NTM: variants seen among roughly 807,000 people sequenced by gnomAD.
NTM encodes neurotrimin.
NTM carries 13 observed loss-of-function variants against 42.1 expected under a neutral mutation model. That is an observed-to-expected ratio of 0.31 (90% confidence interval 0.20 to 0.49). NTM has a LOEUF of 0.49. Ranked by LOEUF, NTM falls within the 20% of genes least tolerant of loss-of-function variation. The pLI is 0.99. For missense variants in NTM, 373 were observed against 452.8 expected, an observed-to-expected ratio of 0.82 and a Z score of 1.60; for synonymous variants, 187 against 179.2, an observed-to-expected ratio of 1.04 and a Z score of -0.35.
chr11:131,967,842 G>A (rs2063027652), intron 2 of NTM, among the ~76,000 whole-genome samples: 1 of 152,152 alleles, frequency 6.6e-6, no homozygotes, highest in South Asian at 2.1e-4. Flanking sequence ...CTGAACTGTG[G>A]AGGGTGAGGA....
intron 1 of NTM, among the ~76,000 whole-genome samples, chr11:131,574,709 G>C (rs773620573): frequency 1.3e-5 from 2 of 152,062 alleles, no homozygotes; most frequent in Non-Finnish European, 2.9e-5. Context: ...GGAGAACAGT[G>C]GAAGGAAGAG....
At chr11:132,318,223 C>G (rs894118481) in intron 7 of NTM, among the ~76,000 whole-genome samples, 1 of 152,182 alleles carries the variant, frequency 6.6e-6, no homozygotes, top group African/African-American at 2.4e-5. Flanking sequence ...TAGGGCCTGA[C>G]GTCCAGTAGC....
At chr11:131,441,960 C>T (rs1444770091) in intron 1 of NTM, among the ~76,000 whole-genome samples, 1 of 152,158 alleles carries the variant, frequency 6.6e-6, no homozygotes, top group Non-Finnish European at 1.5e-5. Context: ...TAGATGGGTA[C>T]ATCAACAAGA....
At chr11:131,542,629 C>T (rs1329022143) in intron 1 of NTM, among the ~76,000 whole-genome samples, 3 of 152,182 alleles carry the variant, frequency 2.0e-5, no homozygotes, top group South Asian at 2.1e-4. Context: ...TTTTAGCACC[C>T]ACATTTATCA....
At chr11:132,132,314 C>T (rs2066973893) in intron 2 of NTM, among the ~76,000 whole-genome samples, 3 of 152,228 alleles carry the variant, frequency 2.0e-5, no homozygotes. Flanking sequence ...AAAATTGGGT[C>T]TATTTCTTTC....
At chr11:132,022,225 A>T (rs1198524745) in intron 2 of NTM, among the ~76,000 whole-genome samples, 1 of 152,232 alleles carries the variant, frequency 6.6e-6, no homozygotes, top group African/African-American at 2.4e-5. Context: ...GAAGTTTCAC[A>T]AGAACATATG....
At chr11:131,390,549 T>C (rs1405566822) in intron 1 of NTM, among the ~76,000 whole-genome samples, 4 of 152,088 alleles carry the variant, frequency 2.6e-5, no homozygotes, top group Non-Finnish European at 5.9e-5. Context: ...ATTCAGTGAT[T>C]TACTTCAAAA....
At chr11:131,449,552 G>C (rs549345686) in intron 1 of NTM, among the ~76,000 whole-genome samples, 1 of 152,350 alleles carries the variant, frequency 6.6e-6, no homozygotes, top group African/African-American at 2.4e-5. Flanking sequence ...GAGAGTGCCT[G>C]TGATGGCTGC....
intron 1 of NTM, among the ~76,000 whole-genome samples, chr11:131,701,833 AG>A (rs1239991686): frequency 1.3e-5 from 2 of 152,142 alleles, no homozygotes; most frequent in Admixed American, 1.3e-4. Flanking sequence ...ATAGGGGTGG[AG>A]GGGTAGATGT....
chr11:131,552,982 G>C (rs914328275), intron 1 of NTM, among the ~76,000 whole-genome samples: 2 of 152,150 alleles, frequency 1.3e-5, no homozygotes, highest in African/African-American at 4.8e-5. Context: ...TCCAAACCAA[G>C]CTACAGTGGC....
rs1310932951 is a variant in NTM, at chr11:131,462,426, C to G, written c.82+91538C>G. ...TCCGTTTTAAAAAACAAACAGTGAC[C>G]CAACATTTAAAAATACAAAAATGAC... On this transcript the variant is annotated intron_variant, in intron 1 of 8. Transcript: ENST00000683400. Among the ~76,000 whole-genome samples the G allele has an allele frequency of 2.0e-5, 3 of 152,030 alleles. No homozygotes were observed. In the East Asian group the frequency reaches 5.8e-4, roughly 29 times the overall value.
chr11:132,237,489 C>T (rs944842616), intron 4 of NTM, among the ~76,000 whole-genome samples: 1 of 152,154 alleles, frequency 6.6e-6, no homozygotes, highest in Admixed American at 6.5e-5. Flanking sequence ...GGCCACTGAC[C>T]CCATCCAAAT....
intron 1 of NTM, among the ~76,000 whole-genome samples, chr11:131,461,943 TA>T (rs1806112360): frequency 6.6e-6 from 1 of 152,132 alleles, no homozygotes; most frequent in Non-Finnish European, 1.5e-5. Context: ...AACAAAAACA[TA>T]GGTTTATGCA....
chr11:131,977,080 A>C (rs551432201), intron 2 of NTM, among the ~76,000 whole-genome samples: 1 of 152,220 alleles, frequency 6.6e-6, no homozygotes, highest in South Asian at 2.1e-4. Context: ...CTATGCATAC[A>C]TGCATATTGG....
At chr11:132,096,132 C>G (rs1382192292) in intron 2 of NTM, among the ~76,000 whole-genome samples, 1 of 152,210 alleles carries the variant, frequency 6.6e-6, no homozygotes. Context: ...CAACACCATT[C>G]CATTGACTTT....
chr11:132,198,159 A>C (rs2138404085), intron 3 of NTM, among the ~76,000 whole-genome samples: 1 of 152,296 alleles, frequency 6.6e-6, no homozygotes, highest in Middle Eastern at 3.4e-3. Context: ...AAAACAGGAC[A>C]CTGAGAAATT....
intron 1 of NTM, among the ~76,000 whole-genome samples, chr11:131,758,581 TTTTC>T (rs565739633): frequency 1.3e-5 from 2 of 151,846 alleles, no homozygotes; most frequent in Non-Finnish European, 1.5e-5. Context: ...TCCTTCCTTT[TTTTC>T]TTTCTTTCTT....
intron 2 of NTM, among the ~76,000 whole-genome samples, chr11:132,145,706 GTT>G (rs926777590): frequency 1.3e-5 from 2 of 152,228 alleles, no homozygotes; most frequent in African/African-American, 2.4e-5. Context: ...TCTGTATTTA[GTT>G]TTGACTGCAG....
chr11:131,642,013 C>T (rs1196154397), intron 1 of NTM, among the ~76,000 whole-genome samples: 2 of 152,214 alleles, frequency 1.3e-5, no homozygotes, highest in African/African-American at 4.8e-5. Context: ...GCATGAGCCA[C>T]TGTGCCCGGC....
Sources: allele counts gnomAD v4.1 joint callset (sites outside exome capture counted in the v4.1 genomes callset), GRCh38; gene constraint gnomAD v4.1.1; transcripts MANE v1.5; gene names NCBI Gene and HGNC (gene_info 2026-07-23, HGNC 2026-07-21).